The following CEP164 variants were observed in gnomAD, a reference collection of about 807,000 sequenced individuals.
The protein encoded by CEP164 is centrosomal protein 164.
Under a neutral mutation model 182.7 loss-of-function variants are expected in CEP164, and 162 were observed. The ratio of observed to expected loss-of-function variants is 0.89; its 90% CI spans 0.78 to 1.01. The LOEUF (loss-of-function observed/expected upper bound fraction) is 1.01. CEP164 is among the 50% of genes least tolerant of loss of function. The pLI, the probability that CEP164 is intolerant of heterozygous loss-of-function variation, is 0.00. For synonymous variants in CEP164, 661 were observed against 690.0 expected (o/e 0.96, Z 0.66); for missense variants, 1,735 against 1,790.4 (o/e 0.97, Z 0.56).
At chr11:117,353,246 C>G (rs1002588437) in intron 5 of CEP164, among the ~76,000 whole-genome samples, 2 of 152,178 alleles carry the variant, frequency 1.3e-5, no homozygotes, top group African/African-American at 4.8e-5. Flanking sequence ...CCTTGTGCTT[C>G]CTCTTGTCCA....
intron 8 of CEP164, among the ~76,000 whole-genome samples, chr11:117,367,117 G>A (rs930294451): frequency 1.3e-5 from 2 of 152,216 alleles, no homozygotes; most frequent in African/African-American, 4.8e-5. Context: ...GACTGGACTT[G>A]GGTGCCCAGA....
intron 20 of CEP164, among the ~76,000 whole-genome samples, chr11:117,393,919 G>C (rs2045070856): frequency 6.6e-6 from 1 of 152,222 alleles, no homozygotes; most frequent in Non-Finnish European, 1.5e-5. Context: ...TACTGCTCCA[G>C]TAACTGGAAC....
chr11:117,407,457 C>CAA (rs1232486465), intron 27 of CEP164, among the ~76,000 whole-genome samples: 2,714 of 67,372 alleles, frequency 0.04, 53 homozygotes, highest in South Asian at 0.056. Flanking sequence ...TCTGTCTCTA[C>CAA]AAAAAAAAAA....
chr11:117,349,174 C>T (rs992274450), intron 4 of CEP164, among the ~76,000 whole-genome samples: 4 of 152,094 alleles, frequency 2.6e-5, no homozygotes, highest in African/African-American at 9.7e-5. Flanking sequence ...AGGCACGTGC[C>T]ACCATGCCCG....
intron 15 of CEP164, among the ~76,000 whole-genome samples, chr11:117,389,507 C>T (rs544744177): frequency 8.5e-5 from 13 of 152,284 alleles, no homozygotes; most frequent in African/African-American, 2.6e-4. Context: ...TTGAGAAGCT[C>T]CCAGACTTGC....
chr11:117,381,324 C>T (rs143905817), intron 12 of CEP164, among the ~76,000 whole-genome samples: 273 of 152,304 alleles, frequency 1.8e-3, no homozygotes, highest in African/African-American at 6.4e-3. Context: ...CTAGTTTGAC[C>T]TCTTGAGTCT....
At chr11:117,392,950 G>A (rs1377661840) in intron 19 of CEP164, 54 bp from the exon 20 acceptor site, 2 of 1,607,464 alleles carry the variant, frequency 1.2e-6, no homozygotes, top group East Asian at 2.2e-5. Context: ...AGCAGGCCCT[G>A]AGTGCTGGTC....
At chr11:117,356,659 C>G (rs926399877) in intron 5 of CEP164, 1 of 1,235,448 alleles carries the variant, frequency 8.1e-7, no homozygotes, top group Admixed American at 2.7e-5. Context: ...CTAAACTTGG[C>G]AGGGAGGGAG....
In CEP164 at chr11:117,387,482, T is replaced by C. The variant is rs501776; in HGVS notation, c.1934+70T>C. The C allele has an allele frequency of 0.35, 524,764 of 1,481,250 alleles. 93,832 individuals carry two copies. Among genetic ancestry groups the C allele is most frequent in the African/African-American group, 0.39 (28,398 of 72,108 alleles). 91.8% of individuals were successfully genotyped at this position (1,481,250 alleles called of 1,614,324 possible). A position where few individuals can be genotyped will look rare whatever the true frequency, so the allele number is the denominator to read the frequency against. On this transcript the variant is annotated intron_variant, in intron 15 of 32. Transcript: ENST00000278935. ...ATGTGAGGAGCCAGGGACACCCTCT[T>C]AGCCTGGGGACCACTGGGATGCCCA...
At chr11:117,366,493 G>C (rs111453314) in intron 8 of CEP164, among the ~76,000 whole-genome samples, 16 of 152,286 alleles carry the variant, frequency 1.1e-4, no homozygotes, top group African/African-American at 3.9e-4. Flanking sequence ...AACCGACACT[G>C]AACAGGGCGA....
Position 117,336,686 on chromosome 11 carries a change from C to T in CEP164, c.-22+1006C>T, listed in dbSNP as rs2037182953. The T allele has an allele frequency of 6.1e-6, 5 of 817,594 alleles. No homozygotes were observed. The South Asian group carries it at 7.1e-5, about 12-fold the overall frequency. The allele number at this position is 817,594 out of a possible 1,614,324, so 50.6% of individuals were successfully genotyped here. A position where few individuals can be genotyped will look rare whatever the true frequency, so the allele number is the denominator to read the frequency against. On this transcript the variant is annotated intron_variant, in intron 2 of 32. Transcript: ENST00000278935. Reference sequence around the variant, plus strand: ...GCTGCCTGGGCTTGATGCGTTCTACCAGATCCTGATGTTTTTAATGGCTGG... The same window carrying T: ...GCTGCCTGGGCTTGATGCGTTCTACTAGATCCTGATGTTTTTAATGGCTGG...
At chr11:117,366,289 G>T (rs1453043794) in intron 8 of CEP164, among the ~76,000 whole-genome samples, 1 of 152,074 alleles carries the variant, frequency 6.6e-6, no homozygotes, top group Non-Finnish European at 1.5e-5. Flanking sequence ...GAGTGTCCCA[G>T]ACAGCTTACG....
Position 117,394,574 on chromosome 11 carries a change from C to T in CEP164, c.2760+81C>T. ...GGTGCTGGGAGCAGACGCATGGCCCCAGCAGGATGCAGCCTGACAGCTTCT... is the reference window on the plus strand; with the variant it reads ...GGTGCTGGGAGCAGACGCATGGCCCTAGCAGGATGCAGCCTGACAGCTTCT... On this transcript the variant is annotated intron_variant, in intron 21 of 32. Coordinates refer to ENST00000278935, the MANE Select transcript of CEP164 (RefSeq NM_014956.5). This position sits in a 1 kb window ranked among gnomAD's most constrained non-coding sequence, Gnocchi z 4.0. 6.6e-7 allele frequency: 1 copy of T among 1,519,332 alleles called. No homozygotes were observed. Among genetic ancestry groups the T allele is most frequent in the East Asian group, 2.3e-5 (1 of 43,372 alleles). The allele number at this position is 1,519,332 out of a possible 1,614,324, so 94.1% of individuals were successfully genotyped here. A position where few individuals can be genotyped will look rare whatever the true frequency, so the allele number is the denominator to read the frequency against.
intron 8 of CEP164, among the ~76,000 whole-genome samples, chr11:117,367,305 G>T (rs1018695171): frequency 1.3e-5 from 2 of 152,230 alleles, no homozygotes; most frequent in African/African-American, 4.8e-5. Context: ...CCCTTGAGGT[G>T]CTGTCCTGTG....
rs770584842 is a variant in CEP164, at chr11:117,392,626, A to G, written c.2492A>G (p.Glu831Gly). The G allele has an allele frequency of 1.2e-6, 2 of 1,613,776 alleles. No homozygotes were observed. The highest frequency in any genetic ancestry group is 1.7e-6 in the Non-Finnish European group (2 of 1,179,890). Residue 831 changes from glutamate (E) to glycine (G), a missense_variant and splice_region_variant, in exon 19 of 33, where the codon GAG becomes GGG. Transcript: ENST00000278935. ...KSYHVAGYEH[E>G]LSSLLREKRQ... ...TATCACGTGGCTGGGTATGAGCACG[A>G]GGTGAGTGCTGCTCTGTCTTCCACA...
intron 6 of CEP164, 101 bp from the exon 7 acceptor site, chr11:117,362,303 G>C (rs1166952971): frequency 7.6e-7 from 1 of 1,319,384 alleles, no homozygotes; most frequent in East Asian, 2.3e-5. Context: ...GGTGGCACTT[G>C]ATCTGGGAGA....
At chr11:117,350,814 ACT>A (rs1366687401) in intron 4 of CEP164, among the ~76,000 whole-genome samples, 25 of 150,294 alleles carry the variant, frequency 1.7e-4, no homozygotes, top group African/African-American at 5.9e-4. Flanking sequence ...TTTCAGTAAA[ACT>A]CTATAAAGAT....
intron 4 of CEP164, among the ~76,000 whole-genome samples, chr11:117,347,030 T>C (rs2038993413): frequency 1.3e-5 from 2 of 152,138 alleles, no homozygotes; most frequent in South Asian, 4.1e-4. Context: ...CCAACAATGG[T>C]TTGGTTTTAA....
intron 27 of CEP164, among the ~76,000 whole-genome samples, chr11:117,407,618 A>C (rs2046862637): frequency 1.3e-5 from 2 of 152,034 alleles, no homozygotes; most frequent in Admixed American, 1.3e-4. Flanking sequence ...AGGCCACTGC[A>C]CTCCAGCCTG....
Sources: allele counts gnomAD v4.1 joint callset (sites outside exome capture counted in the v4.1 genomes callset), GRCh38; gene constraint gnomAD v4.1.1; non-coding constraint Gnocchi (gnomAD v3.1); transcripts MANE v1.5; gene names NCBI Gene and HGNC (gene_info 2026-07-23, HGNC 2026-07-21).